GPRC5D: variants seen among roughly 807,000 people sequenced by gnomAD.
The protein encoded by GPRC5D is G protein-coupled receptor family C group 5 member D.
Under a neutral mutation model 29.3 loss-of-function variants are expected in GPRC5D, and 20 were observed. The ratio of observed to expected loss-of-function variants is 0.68; its 90% confidence interval spans 0.48 to 0.99. The LOEUF is 0.99. Ranked by LOEUF, GPRC5D falls within the 50% of genes least tolerant of loss-of-function variation. The probability of loss-of-function intolerance (pLI) is 0.00; values close to 1 mark genes in which losing one functional copy is unlikely to be tolerated. For missense variants in GPRC5D, 384 were observed against 423.6 expected, an observed-to-expected ratio of 0.91 and a Z score of 0.82; for synonymous variants, 178 against 171.3, an observed-to-expected ratio of 1.04 and a Z score of -0.30.
exon 1 of GPRC5D, chr12:12,950,248 A>G: frequency 6.2e-7 from 1 of 1,614,062 alleles, no homozygotes; most frequent in Non-Finnish European, 8.5e-7. Flanking sequence ...TCGCATGAGG[A>G]AGAGAAATGC....
At chr12:12,941,950 G>A (rs1863160184) in intron 2 of GPRC5D, among the ~76,000 whole-genome samples, 2 of 152,150 alleles carry the variant, frequency 1.3e-5, no homozygotes, top group African/African-American at 2.4e-5. Flanking sequence ...GGCAAAATTC[G>A]GTAAGCCTGC....
At chr12:12,949,405 C>T in intron 1 of GPRC5D, 85 bp downstream of exon 2, 1 of 1,200,940 alleles carries the variant, frequency 8.3e-7, no homozygotes, top group Middle Eastern at 2.4e-4. Context: ...TTTTAGTTTC[C>T]TCTTGGCTCA....
At position 12,944,821 on chromosome 12, in the gene GPRC5D, CCT is replaced by C. The variant is rs1863244448; in HGVS notation, c.896-2495_896-2494del. ...CCTTCCCTTCCTTCCTTCCTTCCTT[CCT>C]TCCTTCCTTCCTTCCTTCCTTCCTT... is the stretch of plus-strand genomic sequence containing the variant. On this transcript the variant is annotated intron_variant, in intron 1 of 2. Transcript: ENST00000228887. Among the ~76,000 whole-genome samples the C allele has an allele frequency of 2.1e-3, 28 of 13,410 alleles. 1 individual carries two copies. The highest frequency in any genetic ancestry group is 0.017 in the East Asian group (4 of 238). 8.8% of individuals were successfully genotyped at this position (13,410 alleles called of 152,430 possible). A position where few individuals can be genotyped will look rare whatever the true frequency, so the allele number is the denominator to read the frequency against.
intron 1 of GPRC5D, among the ~76,000 whole-genome samples, chr12:12,947,845 A>T (rs1419857198): frequency 6.6e-6 from 1 of 152,226 alleles, no homozygotes; most frequent in Non-Finnish European, 1.5e-5. Context: ...GGTGTGAGCC[A>T]CAGAGCCCAG....
rs1863450783 is a variant in GPRC5D, at chr12:12,950,040, CACTA to C, written c.341_344del (p.Leu114ArgfsTer34). On this transcript the variant is annotated frameshift_variant, in exon 1 of 3. Coordinates refer to ENST00000228887, the Ensembl canonical transcript of GPRC5D. LOFTEE classifies it high-confidence loss of function. ...AGGAGACACAACCCCGAACCAGCTT[CACTA>C]GATTGGAGGCATGAGCTAAGAGGCA... 1 of 1,613,918 alleles carries C rather than the reference CACTA, an allele frequency of 6.2e-7. No homozygotes were observed.
chr12:12,946,671 T>A (rs1467322659), intron 1 of GPRC5D, among the ~76,000 whole-genome samples: 2 of 151,994 alleles, frequency 1.3e-5, no homozygotes, highest in Non-Finnish European at 2.9e-5. Context: ...GACAGGCTGG[T>A]CTCTAACTCC....
chr12:12,940,796 C>A (rs749790655), exon 3 of GPRC5D: 1 of 1,606,740 alleles, frequency 6.2e-7, no homozygotes, highest in Non-Finnish European at 8.5e-7. Context: ...CTGCATCTTG[C>A]TGGGGGCTTA....
chr12:12,944,850 CTTCTTTCTTTCTTTCTTTCTTTCTTTCT>C (rs57581481), intron 1 of GPRC5D, among the ~76,000 whole-genome samples: 2 of 34,478 alleles, frequency 5.8e-5, no homozygotes, highest in African/African-American at 2.0e-4. Context: ...TCCTTCCTTC[CTTCTTTCTTTCTTTCTTTCTTTCTTTCT>C]TTCTTTCTTT....
At chr12:12,943,856 C>G (rs1863210834) in intron 1 of GPRC5D, among the ~76,000 whole-genome samples, 1 of 152,170 alleles carries the variant, frequency 6.6e-6, no homozygotes, top group Non-Finnish European at 1.5e-5. Flanking sequence ...ATGAGTTTAC[C>G]AAAAGGCTGA....
chr12:12,950,089 A>G (rs1435895595), exon 1 of GPRC5D: 17 of 1,614,046 alleles, frequency 1.1e-5, no homozygotes, highest in Middle Eastern at 3.3e-4. Context: ...GAGAGCAAAG[A>G]GAACCCCAAA....
At chr12:12,944,832 TCCTTCCTTCC>T (rs1863248655) in intron 1 of GPRC5D, among the ~76,000 whole-genome samples, 4 of 28,708 alleles carry the variant, frequency 1.4e-4, no homozygotes, top group African/African-American at 3.0e-4. Flanking sequence ...CTTCCTTCCT[TCCTTCCTTCC>T]TTCCTTCCTT....
chr12:12,942,199 CTGTCCTA>C, intron 2 of GPRC5D, 55 bp downstream of exon 3: 1 of 1,020,010 alleles, frequency 9.8e-7, no homozygotes, highest in Non-Finnish European at 1.6e-6. Context: ...AAGCCTGAGG[CTGTCCTA>C]AGGAAGGAAT....
chr12:12,950,852 C>T (rs1282521051), upstream of GPRC5D, among the ~76,000 whole-genome samples: 1 of 150,678 alleles, frequency 6.6e-6, no homozygotes, highest in Non-Finnish European at 1.5e-5. Context: ...TGCTTGTAAT[C>T]CTAGCACTTT....
intron 1 of GPRC5D, among the ~76,000 whole-genome samples, chr12:12,944,785 C>T (rs1396326437): frequency 3.0e-5 from 1 of 33,846 alleles, no homozygotes; most frequent in Non-Finnish European, 1.2e-4. Context: ...TCCTTCCTTC[C>T]TTCCTTCCTT....
chr12:12,941,679 C>T (rs1000682054), intron 2 of GPRC5D, among the ~76,000 whole-genome samples: 2 of 152,234 alleles, frequency 1.3e-5, no homozygotes, highest in Admixed American at 6.5e-5. Context: ...TTCAAGTCTT[C>T]ACAGCCCAAA....
intron 1 of GPRC5D, chr12:12,948,512 T>C (rs1161043303): frequency 6.5e-6 from 1 of 154,398 alleles, no homozygotes. Flanking sequence ...GTGAACATTA[T>C]GTGTGCTGTA....
intron 1 of GPRC5D, chr12:12,948,183 AAC>A (rs1317630279): frequency 1.3e-5 from 2 of 152,184 alleles, no homozygotes; most frequent in African/African-American, 4.8e-5. Flanking sequence ...GTTTCCTGGA[AAC>A]ACACAGCAGC....
At chr12:12,945,234 A>G (rs539271144) in intron 1 of GPRC5D, among the ~76,000 whole-genome samples, 173 of 152,016 alleles carry the variant, frequency 1.1e-3, no homozygotes, top group African/African-American at 3.5e-3. Context: ...TGAACTCCTG[A>G]CCTCAGGTGA....
intron 1 of GPRC5D, among the ~76,000 whole-genome samples, chr12:12,944,779 T>G (rs1863234817): frequency 3.0e-5 from 1 of 33,604 alleles, no homozygotes; most frequent in East Asian, 8.4e-4. Context: ...CTTTCTTCCT[T>G]CCTTCCTTCC....
Sources: allele counts gnomAD v4.1 joint callset (sites outside exome capture counted in the v4.1 genomes callset), GRCh38; gene constraint gnomAD v4.1.1; transcripts MANE v1.5; gene names NCBI Gene and HGNC (gene_info 2026-07-23, HGNC 2026-07-21).